The following FSTL5 variants were observed in gnomAD, a reference collection of about 807,000 sequenced individuals.
FSTL5 encodes the protein follistatin-related protein 5.
FSTL5 carries 62 observed loss-of-function variants against 89.1 expected under a neutral mutation model. The observed-to-expected ratio is 0.70, with a 90% CI of 0.57 to 0.86. The LOEUF (loss-of-function observed/expected upper bound fraction) is 0.86. Ranked by LOEUF, FSTL5 falls within the 40% of genes least tolerant of loss-of-function variation. The pLI is 0.00. For missense variants in FSTL5, 1,057 were observed against 1,001.6 expected (o/e 1.06, Z -0.75); for synonymous variants, 383 against 346.2 (o/e 1.11, Z -1.18).
chr4:161,849,333 G>A (rs1731477722), intron 4 of FSTL5, among the ~76,000 whole-genome samples: 1 of 151,800 alleles, frequency 6.6e-6, no homozygotes, highest in African/African-American at 2.4e-5. Flanking sequence ...GCCTATTTGA[G>A]TCCTTATCAA....
intron 6 of FSTL5, among the ~76,000 whole-genome samples, chr4:161,658,888 G>C (rs1234651284): frequency 2.0e-5 from 3 of 152,138 alleles, no homozygotes; most frequent in Non-Finnish European, 4.4e-5. Context: ...GTAAACATTG[G>C]CTATTCTGCC....
intron 10 of FSTL5, among the ~76,000 whole-genome samples, chr4:161,531,608 T>C (rs1157169064): frequency 6.6e-6 from 1 of 152,198 alleles, no homozygotes; most frequent in African/African-American, 2.4e-5. Flanking sequence ...GTGTAGCTTC[T>C]GCTTTGATTG....
intron 6 of FSTL5, among the ~76,000 whole-genome samples, chr4:161,685,185 G>A (rs1579019577): frequency 6.6e-6 from 1 of 152,130 alleles, no homozygotes; most frequent in Non-Finnish European, 1.5e-5. Context: ...GTAATGTGGT[G>A]TCTCCAGATA....
At chr4:161,994,532 T>G (rs1319530407) in intron 3 of FSTL5, among the ~76,000 whole-genome samples, 1 of 152,040 alleles carries the variant, frequency 6.6e-6, no homozygotes, top group Admixed American at 6.6e-5. Context: ...TCCACATCCT[T>G]GCCAGCATCT....
intron 2 of FSTL5, among the ~76,000 whole-genome samples, chr4:162,092,945 C>A (rs1052221872): frequency 2.2e-5 from 1 of 45,084 alleles, no homozygotes; most frequent in South Asian, 1.0e-3. Flanking sequence ...GAGACTCTGT[C>A]TCAAAAAAAA....
At chr4:161,793,608 T>C (rs2126822667) in intron 4 of FSTL5, among the ~76,000 whole-genome samples, 1 of 35,914 alleles carries the variant, frequency 2.8e-5, no homozygotes, top group South Asian at 2.5e-3. Flanking sequence ...GGAAACCATG[T>C]TGTCATTTTT....
At chr4:161,798,109 T>C (rs1444676889) in intron 4 of FSTL5, among the ~76,000 whole-genome samples, 1 of 151,700 alleles carries the variant, frequency 6.6e-6, no homozygotes, top group African/African-American at 2.4e-5. Flanking sequence ...CTTATTTCTC[T>C]ATTTCAGATG....
At chr4:161,774,768 GTTATTTATTC>G (rs1560837812) in intron 5 of FSTL5, among the ~76,000 whole-genome samples, 3 of 151,508 alleles carry the variant, frequency 2.0e-5, no homozygotes, top group African/African-American at 7.3e-5. Flanking sequence ...TAATTAACTA[GTTATTTATTC>G]TTATTACTAT....
Position 161,386,416 on chromosome 4 carries a change from T to A in FSTL5, c.1875A>T (p.Ala625=). Residue 625 remains alanine (A), a synonymous_variant, in exon 16 of 16, where the codon GCA becomes GCT. Coordinates refer to ENST00000306100, the MANE Select transcript of FSTL5 (RefSeq NM_020116.5). Reference sequence around the variant, plus strand: ...TGGTTTCAAGATCAATTTTTTGTAGTGCAGCTTCATCTTTATGAAGAATAA... The same window carrying A: ...TGGTTTCAAGATCAATTTTTTGTAGAGCAGCTTCATCTTTATGAAGAATAA... ...FGFILHKDEA[A]LQKIDLETMS... 9.3e-6 allele frequency: 15 copies of A among 1,612,756 alleles called. No individual in the cohort carries two copies. Among genetic ancestry groups the A allele is most frequent in the Non-Finnish European group, 1.3e-5 (15 of 1,179,272 alleles).
At chr4:161,993,061 G>A (rs1048732369) in intron 3 of FSTL5, among the ~76,000 whole-genome samples, 2 of 149,976 alleles carry the variant, frequency 1.3e-5, no homozygotes, top group South Asian at 4.2e-4. Flanking sequence ...ATTAACAAAT[G>A]ATGCCTTATT....
At chr4:162,042,661 C>A (rs1404802069) in intron 2 of FSTL5, among the ~76,000 whole-genome samples, 2 of 151,800 alleles carry the variant, frequency 1.3e-5, no homozygotes, top group African/African-American at 4.8e-5. Context: ...ATCCATGGTA[C>A]CCACACATAT....
chr4:161,883,855 A>G (rs951082449), intron 4 of FSTL5, among the ~76,000 whole-genome samples: 19 of 152,152 alleles, frequency 1.2e-4, no homozygotes, highest in Admixed American at 1.3e-4. Context: ...GCAAGGATAC[A>G]TTATTCTATG....
intron 1 of FSTL5, among the ~76,000 whole-genome samples, chr4:162,122,118 A>G (rs763008119): frequency 9.2e-5 from 14 of 152,032 alleles, no homozygotes; most frequent in Admixed American, 3.3e-4. Context: ...TGAATTTTAT[A>G]CTGTGCACGG....
chr4:161,528,851 C>T (rs891182277), intron 10 of FSTL5, among the ~76,000 whole-genome samples: 2 of 142,820 alleles, frequency 1.4e-5, no homozygotes, highest in African/African-American at 2.5e-5. Context: ...AGAAATACAA[C>T]GTTAGTATGT....
chr4:162,159,773 G>T (rs1286373294), intron 1 of FSTL5, among the ~76,000 whole-genome samples: 1 of 151,740 alleles, frequency 6.6e-6, no homozygotes, highest in Non-Finnish European at 1.5e-5. Flanking sequence ...AATTAATGTG[G>T]TGCTATAAAC....
intron 4 of FSTL5, among the ~76,000 whole-genome samples, chr4:161,868,597 C>T (rs1732164267): frequency 6.6e-6 from 1 of 152,170 alleles, no homozygotes; most frequent in Non-Finnish European, 1.5e-5. Flanking sequence ...TTTCTGGCCA[C>T]AGTTTTTCAA....
chr4:161,647,680 T>C (rs989640451), intron 7 of FSTL5, among the ~76,000 whole-genome samples: 1 of 151,978 alleles, frequency 6.6e-6, no homozygotes, highest in African/African-American at 2.4e-5. Context: ...ACAGGAGTGA[T>C]GGGAAGGGAA....
At chr4:161,805,942 T>A (rs970313682) in intron 4 of FSTL5, among the ~76,000 whole-genome samples, 1 of 152,152 alleles carries the variant, frequency 6.6e-6, no homozygotes. Context: ...ATAACTTTTT[T>A]ATAGTATATT....
intron 7 of FSTL5, among the ~76,000 whole-genome samples, chr4:161,633,288 C>CTTTTTT (rs1189796658): frequency 4.0e-5 from 4 of 99,978 alleles, no homozygotes; most frequent in African/African-American, 1.5e-4. Context: ...TAAACTAATT[C>CTTTTTT]TTTTTATTAT....
Sources: allele counts gnomAD v4.1 joint callset (sites outside exome capture counted in the v4.1 genomes callset), GRCh38; gene constraint gnomAD v4.1.1; transcripts MANE v1.5; gene names NCBI Gene and HGNC (gene_info 2026-07-23, HGNC 2026-07-21).